The following ZNF44 variants were observed in gnomAD, a reference collection of about 807,000 sequenced individuals.
The protein encoded by ZNF44 is gonadotropin inducible transcription repressor-2.
A neutral mutation model predicts 11.7 loss-of-function variants in ZNF44; 9 were observed. The ratio of observed to expected loss-of-function variants is 0.77; its 90% CI spans 0.46 to 1.35. ZNF44 has a LOEUF of 1.35. ZNF44 is among the 40% of genes most tolerant of loss of function. The probability of loss-of-function intolerance (pLI) is 0.00; values close to 1 mark genes in which losing one functional copy is unlikely to be tolerated. For missense variants in ZNF44, 696 were observed against 743.1 expected (o/e 0.94, Z 0.74); for synonymous variants, 224 against 242.7 (o/e 0.92, Z 0.72).
intron 1 of ZNF44, among the ~76,000 whole-genome samples, chr19:12,278,465 G>A (rs1391736876): frequency 6.6e-6 from 1 of 152,088 alleles, no homozygotes; most frequent in African/African-American, 2.4e-5. Flanking sequence ...CGCTGGGTTA[G>A]GCTCTCCACG....
At chr19:12,225,860 G>A (rs929366759), downstream of ZNF44, among the ~76,000 whole-genome samples, 10 of 152,228 alleles carry the variant, frequency 6.6e-5, no homozygotes, top group East Asian at 5.8e-4. Flanking sequence ...TATTTCCTCC[G>A]GTGAGAGTCG....
intron 1 of ZNF44, among the ~76,000 whole-genome samples, chr19:12,292,509 G>C (rs1377153260): frequency 6.6e-6 from 1 of 152,074 alleles, no homozygotes; most frequent in African/African-American, 2.4e-5. Flanking sequence ...AACCCAGGGT[G>C]GGGCAGAACT....
chr19:12,258,241 G>C (rs1432515201), intron 5 of ZNF44, among the ~76,000 whole-genome samples: 1 of 147,292 alleles, frequency 6.8e-6, no homozygotes, highest in Non-Finnish European at 1.5e-5. Flanking sequence ...GCTGATGCAG[G>C]AGGATGCTTC....
chr19:12,253,913 G>A (rs190023690), intron 5 of ZNF44, among the ~76,000 whole-genome samples: 1 of 152,138 alleles, frequency 6.6e-6, no homozygotes, highest in Admixed American at 6.5e-5. Flanking sequence ...CGGGAGGCAG[G>A]GGTTACAGTG....
upstream of ZNF44, among the ~76,000 whole-genome samples, chr19:12,240,568 A>C (rs1916581299): frequency 6.6e-6 from 1 of 152,190 alleles, no homozygotes; most frequent in African/African-American, 2.4e-5. Context: ...AACTGGCTAT[A>C]AAACTACCAT....
intron 2 of ZNF44, among the ~76,000 whole-genome samples, chr19:12,234,398 C>T (rs1916294906): frequency 1.3e-5 from 2 of 152,106 alleles, no homozygotes; most frequent in African/African-American, 4.8e-5. Context: ...CTTGTGAGGG[C>T]AAATCACCTT....
intron 5 of ZNF44, among the ~76,000 whole-genome samples, chr19:12,264,838 G>A (rs1299770033): frequency 6.6e-6 from 1 of 152,006 alleles, no homozygotes. Flanking sequence ...TGGGACCACA[G>A]GCACGCACCA....
At chr19:12,271,134 G>T (rs972158437), downstream of ZNF44, among the ~76,000 whole-genome samples, 1 of 152,180 alleles carries the variant, frequency 6.6e-6, no homozygotes, top group African/African-American at 2.4e-5. Context: ...CGAAAAATTT[G>T]CAGCAGATCT....
chr19:12,256,697 CTTTT>C (rs950614463), intron 5 of ZNF44, among the ~76,000 whole-genome samples: 2 of 102,812 alleles, frequency 1.9e-5, no homozygotes, highest in South Asian at 3.0e-4. Flanking sequence ...AGCAATTACT[CTTTT>C]TTTTTTTTTT....
chr19:12,233,863 A>G (rs918074946), intron 2 of ZNF44, among the ~76,000 whole-genome samples: 2 of 152,096 alleles, frequency 1.3e-5, no homozygotes, highest in African/African-American at 4.8e-5. Flanking sequence ...GGAGTTCGAG[A>G]CCAGCCTGAC....
At chr19:12,285,660 A>G (rs887190897) in intron 1 of ZNF44, among the ~76,000 whole-genome samples, 1 of 152,198 alleles carries the variant, frequency 6.6e-6, no homozygotes, top group East Asian at 1.9e-4. Context: ...AAAATTCATG[A>G]ACTGTTAGCA....
intron 3 of ZNF44, among the ~76,000 whole-genome samples, chr19:12,229,962 C>T (rs755416856): frequency 6.6e-6 from 1 of 152,104 alleles, no homozygotes; most frequent in South Asian, 2.1e-4. Flanking sequence ...AAACTTGACA[C>T]AGGGAGCGTT....
chr19:12,274,986 T>C lies in ZNF44; in HGVS notation c.178A>G (p.Arg60Gly). ...QNIDDQHQNLRRNPRCDVVER... is the reference protein window; with the variant it reads ...QNIDDQHQNLGRNPRCDVVER... ...AGTACAAATTACCTTGGATTTCTCC[T>C]GAGATTTTGGTGCTGATCATCAATG... Residue 60 changes from arginine to glycine, a missense_variant, in exon 3 of 4, where the codon AGG (arginine) becomes GGG (glycine). Coordinates refer to ENST00000355684, the MANE Select transcript of ZNF44 (RefSeq NM_016264.4). The C allele has an allele frequency of 1.9e-6, 3 of 1,588,160 alleles. No individual in the cohort carries two copies. Among genetic ancestry groups the C allele is most frequent in the East Asian group, 2.3e-5 (1 of 43,560 alleles).
At position 12,275,021 on chromosome 19, in the gene ZNF44, T is replaced by G; in HGVS notation, c.143A>C (p.Glu48Ala). ...RNLNCIGMKW[E>A]NQNIDDQHQN... ...GTGCTGATCATCAATGTTCTGGTTT[T>G]CCCATTTCATTCCTAAAAGAGAGAT... The change falls in exon 3 of 4, where the codon GAA becomes GCA. Residue 48 changes from glutamate (E) to alanine (A), a missense_variant. Transcript: ENST00000355684. The G allele has an allele frequency of 6.3e-7, 1 of 1,583,516 alleles. No individual in the cohort carries two copies. The highest frequency in any genetic ancestry group is 1.2e-5 in the South Asian group (1 of 85,234).
chr19:12,267,080 C>T (rs146329124), downstream of ZNF44, among the ~76,000 whole-genome samples: 1 of 148,086 alleles, frequency 6.8e-6, no homozygotes, highest in African/African-American at 2.5e-5. Context: ...TGCTCTGTCG[C>T]CCAGGCTGGA....
chr19:12,289,880 C>T (rs188663088), intron 1 of ZNF44, among the ~76,000 whole-genome samples: 26 of 152,094 alleles, frequency 1.7e-4, no homozygotes, highest in Admixed American at 9.2e-4. Context: ...ATCCGCCTGC[C>T]TCGACCTCCC....
chr19:12,271,679 G>A (rs537737020), downstream of ZNF44: 1 of 152,292 alleles, frequency 6.6e-6, no homozygotes, highest in African/African-American at 2.4e-5. Flanking sequence ...TCTGAGTATT[G>A]AAACAAGAAA....
chr19:12,281,734 T>C (rs963937657), intron 1 of ZNF44, among the ~76,000 whole-genome samples: 2 of 152,066 alleles, frequency 1.3e-5, no homozygotes, highest in African/African-American at 2.4e-5. Flanking sequence ...AAAATGACCA[T>C]AAAAAACTAT....
At chr19:12,278,851 C>T (rs1024854789) in intron 1 of ZNF44, among the ~76,000 whole-genome samples, 4 of 152,090 alleles carry the variant, frequency 2.6e-5, no homozygotes, top group Non-Finnish European at 5.9e-5. Context: ...GAGAAAGCCC[C>T]ACGCAGGCAC....
Sources: allele counts gnomAD v4.1 joint callset (sites outside exome capture counted in the v4.1 genomes callset), GRCh38; gene constraint gnomAD v4.1.1; transcripts MANE v1.5; gene names NCBI Gene and HGNC (gene_info 2026-07-23, HGNC 2026-07-21).